The following SPIDR variants were observed in gnomAD, a reference collection of about 807,000 sequenced individuals.
The protein encoded by SPIDR is DNA repair-scaffolding protein.
SPIDR carries 93 observed loss-of-function variants against 104.6 expected under a neutral mutation model. The observed-to-expected ratio is 0.89, with a 90% CI of 0.75 to 1.06. SPIDR has a LOEUF of 1.06. Ranked by LOEUF, SPIDR falls within the 50% of genes least tolerant of loss-of-function variation. SPIDR has a pLI of 0.00. For synonymous variants in SPIDR, 431 were observed against 416.9 expected, an observed-to-expected ratio of 1.03 and a Z score of -0.41; for missense variants, 1,154 against 1,111.2, an observed-to-expected ratio of 1.04 and a Z score of -0.55.
chr8:47,499,274 T>C (rs2079947743), intron 8 of SPIDR, among the ~76,000 whole-genome samples: 1 of 152,192 alleles, frequency 6.6e-6, no homozygotes, highest in Non-Finnish European at 1.5e-5. Flanking sequence ...TCATGCAAAG[T>C]CTATGACTGT....
chr8:47,296,548 CGTTT>C (rs1160140410), intron 5 of SPIDR, among the ~76,000 whole-genome samples: 91 of 152,284 alleles, frequency 6.0e-4, no homozygotes, highest in African/African-American at 2.1e-3. Context: ...ATTCTTGGCA[CGTTT>C]GTTGTAAATA....
At chr8:47,265,055 C>T (rs1319281867) in intron 1 of SPIDR, among the ~76,000 whole-genome samples, 1 of 152,048 alleles carries the variant, frequency 6.6e-6, no homozygotes, top group Admixed American at 6.6e-5. Context: ...TCAGTGATGG[C>T]AGGAAATTCT....
At chr8:47,532,131 C>T (rs1212965273) in intron 8 of SPIDR, among the ~76,000 whole-genome samples, 11 of 146,432 alleles carry the variant, frequency 7.5e-5, no homozygotes, top group African/African-American at 1.5e-4. Flanking sequence ...AATGCAATGG[C>T]GCGATCTCGG....
chr8:47,588,490 G>T (rs1817860151), intron 8 of SPIDR, among the ~76,000 whole-genome samples: 1 of 151,906 alleles, frequency 6.6e-6, no homozygotes, highest in African/African-American at 2.4e-5. Flanking sequence ...GCCATTTCCT[G>T]TGTAAGCAAT....
chr8:47,591,593 G>T (rs2061019823), intron 8 of SPIDR, among the ~76,000 whole-genome samples: 1 of 152,074 alleles, frequency 6.6e-6, no homozygotes, highest in Admixed American at 6.5e-5. Flanking sequence ...ATTAGTGAGG[G>T]CTGTGATGTT....
chr8:47,674,034 G>A, intron 11 of SPIDR, 93 bp downstream of exon 11: 3 of 1,449,622 alleles, frequency 2.1e-6, no homozygotes, highest in Non-Finnish European at 9.2e-7. Context: ...AAATTAAAAG[G>A]CAATAAACCA....
chr8:47,684,141 A>C (rs965219920), intron 11 of SPIDR, among the ~76,000 whole-genome samples: 4 of 151,518 alleles, frequency 2.6e-5, no homozygotes, highest in African/African-American at 7.3e-5. Context: ...AAAAAAAAAA[A>C]AAAAAAAAAA....
intron 8 of SPIDR, among the ~76,000 whole-genome samples, chr8:47,580,459 G>A (rs1026433071): frequency 6.6e-6 from 1 of 152,104 alleles, no homozygotes; most frequent in Non-Finnish European, 1.5e-5. Flanking sequence ...TACTCTGAAT[G>A]CTCCCGATTT....
chr8:47,657,599 G>A (rs930877217), intron 10 of SPIDR, among the ~76,000 whole-genome samples: 2 of 152,118 alleles, frequency 1.3e-5, no homozygotes, highest in African/African-American at 4.8e-5. Context: ...TATCCTAGTT[G>A]TGGTATTGTA....
chr8:47,524,369 A>G, intron 8 of SPIDR, among the ~76,000 whole-genome samples: 1 of 152,222 alleles, frequency 6.6e-6, no homozygotes, highest in Non-Finnish European at 1.5e-5. Context: ...TCCCATGTAC[A>G]TCCAGATTAA....
rs558181219 is a variant in SPIDR, at chr8:47,343,764, C to G, written c.525+49734C>G. On this transcript the variant is annotated intron_variant, in intron 5 of 19. Coordinates refer to ENST00000297423, the MANE Select transcript of SPIDR (RefSeq NM_001080394.4). ...GCTTCTCCTGCCAGTCCTTCCCTTT[C>G]TCAGGATGTTTCATTCCCAGAAGTT... 6.9e-4 allele frequency among the ~76,000 whole-genome samples: 105 copies of G among 152,220 alleles called. 1 individual carries two copies. Among genetic ancestry groups the G allele is most frequent in the African/African-American group, 2.4e-3 (100 of 41,534 alleles).
chr8:47,673,928 G>C lies in SPIDR; in HGVS notation c.1672G>C (p.Val558Leu), dbSNP rs750760186. The change falls in exon 11 of 20, where the codon GTC (valine) becomes CTC (leucine). Residue 558 changes from valine to leucine, a missense_variant. Physicochemically the swap from Val to Leu is conservative, Grantham distance 32 (BLOSUM62 1). Transcript: ENST00000297423. ...SLVGMKVLQK[V>L]TRGRTAGIFS... is the part of the protein sequence containing the mutation. ...GGTGGGAATGAAGGTTCTACAGAAA[G>C]TCACCAGAGGAAGGTGAGAACGTGC... 4.3e-6 allele frequency: 7 copies of C among 1,614,056 alleles called. No individual in the cohort carries two copies. The South Asian group carries it at 7.7e-5, about 18-fold the overall frequency.
chr8:47,613,189 G>T (rs2063824613), intron 10 of SPIDR, among the ~76,000 whole-genome samples: 1 of 152,054 alleles, frequency 6.6e-6, no homozygotes, highest in African/African-American at 2.4e-5. Context: ...CCACCAGTCT[G>T]CTTTCTGTTT....
chr8:47,342,328 C>CTTTTTTT (rs11357859), intron 5 of SPIDR, among the ~76,000 whole-genome samples: 1 of 68,916 alleles, frequency 1.5e-5, no homozygotes, highest in Non-Finnish European at 2.8e-5. Context: ...TTTCAAAGGT[C>CTTTTTTT]TTTTTTTTTT....
intron 6 of SPIDR, among the ~76,000 whole-genome samples, chr8:47,402,027 A>C (rs1003261904): frequency 6.6e-6 from 1 of 152,232 alleles, no homozygotes; most frequent in Non-Finnish European, 1.5e-5. Flanking sequence ...TCAAGAGAAT[A>C]TACATTCTTC....
chr8:47,362,288 G>A (rs2056162229), intron 5 of SPIDR, among the ~76,000 whole-genome samples: 1 of 152,206 alleles, frequency 6.6e-6, no homozygotes, highest in Admixed American at 6.5e-5. Context: ...TTAAAGACCT[G>A]TAATGATTGT....
chr8:47,360,244 CAAAAAAAAAAA>C (rs1186187617), intron 5 of SPIDR, among the ~76,000 whole-genome samples: 21 of 38,962 alleles, frequency 5.4e-4, no homozygotes, highest in African/African-American at 2.3e-3. Flanking sequence ...GACTCCATCT[CAAAAAAAAAAA>C]AAAAAAAAAA....
At chr8:47,700,184 A>G (rs1467066762) in intron 11 of SPIDR, among the ~76,000 whole-genome samples, 1 of 152,090 alleles carries the variant, frequency 6.6e-6, no homozygotes, top group East Asian at 1.9e-4. Flanking sequence ...GTGTGGATGG[A>G]TCCTAATTTA....
chr8:47,476,939 A>G (rs1400453942), intron 8 of SPIDR, among the ~76,000 whole-genome samples: 1 of 152,242 alleles, frequency 6.6e-6, no homozygotes, highest in Non-Finnish European at 1.5e-5. Context: ...ACAGAAATAA[A>G]ATAATACAGG....
Sources: allele counts gnomAD v4.1 joint callset (sites outside exome capture counted in the v4.1 genomes callset), GRCh38; gene constraint gnomAD v4.1.1; transcripts MANE v1.5; gene names NCBI Gene and HGNC (gene_info 2026-07-23, HGNC 2026-07-21).